The following CACNA1D variants were observed in gnomAD, a reference collection of about 807,000 sequenced individuals.
The protein encoded by CACNA1D is voltage-dependent L-type calcium channel subunit alpha-1D.
CACNA1D carries 55 observed loss-of-function variants against 257.1 expected under a neutral mutation model. The observed-to-expected ratio is 0.21, with a 90% CI of 0.17 to 0.27. CACNA1D has a LOEUF of 0.27. CACNA1D is among the 10% of genes least tolerant of loss of function. CACNA1D has a pLI of 1.00. For synonymous variants in CACNA1D, 980 were observed against 1,014.9 expected (o/e 0.97, Z 0.65); for missense variants, 1,876 against 2,784.0 (o/e 0.67, Z 7.34).
chr3:53,786,463 G>A (rs531125436), intron 39 of CACNA1D: 87 of 299,402 alleles, frequency 2.9e-4, no homozygotes, highest in African/African-American at 1.4e-3. Context: ...GGGGTGAAAT[G>A]TGGCCCGTGA....
chr3:53,575,249 A>G (rs2093016462), intron 3 of CACNA1D, among the ~76,000 whole-genome samples: 1 of 152,098 alleles, frequency 6.6e-6, no homozygotes, highest in African/African-American at 2.4e-5. Context: ...GGAAAAGAGA[A>G]CCTTGCTCTG....
At chr3:53,704,139 G>A (rs1267398091) in intron 9 of CACNA1D, among the ~76,000 whole-genome samples, 3 of 152,136 alleles carry the variant, frequency 2.0e-5, no homozygotes, top group African/African-American at 7.2e-5. Flanking sequence ...GGTGGGTGAG[G>A]TGCAATTGTG....
At chr3:53,550,489 G>A (rs1221045345) in intron 3 of CACNA1D, among the ~76,000 whole-genome samples, 5 of 152,186 alleles carry the variant, frequency 3.3e-5, no homozygotes, top group African/African-American at 1.2e-4. Flanking sequence ...GTGTAAGTGG[G>A]TCAGGCACCA....
Position 53,731,138 on chromosome 3 carries a change from G to A in CACNA1D, c.2398G>A (p.Asp800Asn), listed in dbSNP as rs537189630. 2.5e-6 allele frequency: 4 copies of A among 1,605,798 alleles called. No individual in the cohort carries two copies. In the East Asian group the frequency reaches 6.7e-5, roughly 27 times the overall value. ...AGAAGTCAACCAGATAGCCAACAGT[G>A]ACAACAAGGTATGTATTCTAAGATG... ...KPEVNQIANS[D>N]NKVTIDDYRE... The change falls in exon 17 of 48, where the codon GAC becomes AAC. Residue 800 changes from aspartate (D) to asparagine (N), a missense_variant. Physicochemically the swap from Asp to Asn is conservative, Grantham distance 23 (BLOSUM62 1). Transcript: ENST00000350061.
intron 3 of CACNA1D, among the ~76,000 whole-genome samples, chr3:53,518,937 C>T (rs541288904): frequency 2.0e-5 from 3 of 152,348 alleles, no homozygotes; most frequent in East Asian, 1.9e-4. Context: ...TTCGCAGTCA[C>T]GCTTCTCTAA....
chr3:53,670,558 G>A (rs2094312899), intron 7 of CACNA1D, among the ~76,000 whole-genome samples: 1 of 152,088 alleles, frequency 6.6e-6, no homozygotes, highest in Non-Finnish European at 1.5e-5. Context: ...TGGCCAGGCT[G>A]GTCTCGAACT....
At chr3:53,522,646 A>T (rs1367311321) in intron 3 of CACNA1D, among the ~76,000 whole-genome samples, 1 of 152,156 alleles carries the variant, frequency 6.6e-6, no homozygotes, top group Non-Finnish European at 1.5e-5. Context: ...TTTTATCGAA[A>T]ATTTTATTGA....
chr3:53,644,016 T>A (rs989207956), intron 3 of CACNA1D, among the ~76,000 whole-genome samples: 5 of 152,234 alleles, frequency 3.3e-5, no homozygotes, highest in African/African-American at 1.2e-4. Context: ...GGAAGGGACA[T>A]TTAATAATAG....
At chr3:53,692,909 T>C (rs2094540957) in intron 8 of CACNA1D, among the ~76,000 whole-genome samples, 1 of 151,972 alleles carries the variant, frequency 6.6e-6, no homozygotes. Flanking sequence ...TATTAAAAAA[T>C]TAGCTGGACA....
intron 3 of CACNA1D, among the ~76,000 whole-genome samples, chr3:53,590,623 C>T (rs553331836): frequency 2.6e-5 from 4 of 152,208 alleles, no homozygotes; most frequent in African/African-American, 7.2e-5. Flanking sequence ...CATCACAGTT[C>T]TAATTCCTGT....
chr3:53,682,365 TAAAAAAAAAA>T (rs3082718), intron 8 of CACNA1D, among the ~76,000 whole-genome samples: 900 of 47,372 alleles, frequency 0.019, 25 homozygotes, highest in African/African-American at 0.067. Context: ...TTGTCTCTGG[TAAAAAAAAAA>T]AAAAAAAAAA....
At chr3:53,507,072 C>CAAAAAAAAAAAAA (rs781421977) in intron 3 of CACNA1D, among the ~76,000 whole-genome samples, 13 of 56,666 alleles carry the variant, frequency 2.3e-4, no homozygotes, top group Non-Finnish European at 3.0e-4. Context: ...GACTCTATCT[C>CAAAAAAAAAAAAA]AAAAAAAAAA....
chr3:53,678,372 T>C (rs901469961), intron 8 of CACNA1D, among the ~76,000 whole-genome samples: 1 of 152,222 alleles, frequency 6.6e-6, no homozygotes. Context: ...TAAAATTGAA[T>C]GTAAACCCAG....
At chr3:53,501,957 A>G (rs557216969) in intron 3 of CACNA1D, among the ~76,000 whole-genome samples, 1 of 152,212 alleles carries the variant, frequency 6.6e-6, no homozygotes, top group South Asian at 2.1e-4. Flanking sequence ...TGGAATTTTT[A>G]TGGAAGAGAT....
intron 2 of CACNA1D, among the ~76,000 whole-genome samples, chr3:53,501,342 ATATGCAG>A (rs1575682538): frequency 6.6e-6 from 1 of 152,332 alleles, no homozygotes; most frequent in Non-Finnish European, 1.5e-5. Flanking sequence ...TTAGGTTTTA[ATATGCAG>A]TGTGCAGCCG....
At position 53,497,454 on chromosome 3, in the gene CACNA1D, G is replaced by C. The variant is rs1186437954; in HGVS notation, c.370G>C (p.Glu124Gln). The C allele has an allele frequency of 6.2e-7, 1 of 1,613,996 alleles. No individual in the cohort carries two copies. The highest frequency in any genetic ancestry group is 8.5e-7 in the Non-Finnish European group (1 of 1,179,908). The change falls in exon 2 of 48, where the codon GAA becomes CAA. Residue 124 changes from glutamate to glutamine, a missense_variant. Physicochemically the swap from Glu to Gln is conservative, Grantham distance 29. Transcript: ENST00000350061. ...PIRRACISIV[E>Q]WKPFDIFILL... is the part of the protein sequence containing the mutation. ...CCGAAGAGCCTGCATTAGTATAGTG[G>C]AATGGAAGTATCCTTTTTTTGGGGG... is the stretch of plus-strand genomic sequence containing the variant.
chr3:53,501,657 T>G lies in CACNA1D; in HGVS notation c.420T>G (p.Cys140Trp). 6.2e-7 allele frequency: 1 copy of G among 1,604,390 alleles called. No individual in the cohort carries two copies. The highest frequency in any genetic ancestry group is 8.5e-7 in the Non-Finnish European group (1 of 1,171,484). Residue 140 changes from cysteine (C) to tryptophan (W), a missense_variant, in exon 3 of 48, where the codon TGT becomes TGG. Physicochemically the swap from Cys to Trp is radical, Grantham distance 215. Transcript: ENST00000350061. Reference sequence around the variant, plus strand: ...TATTATTGGCTATTTTTGCCAATTGTGTGGCCTTAGCTATTTACATCCCAT... The same window carrying G: ...TATTATTGGCTATTTTTGCCAATTGGGTGGCCTTAGCTATTTACATCCCAT... ...IFILLAIFAN[C>W]VALAIYIPFP...
At chr3:53,698,156 T>G (rs1181345630) in intron 8 of CACNA1D, among the ~76,000 whole-genome samples, 1 of 152,244 alleles carries the variant, frequency 6.6e-6, no homozygotes, top group African/African-American at 2.4e-5. Flanking sequence ...AATCAGACTT[T>G]AAAATAAACA....
intron 3 of CACNA1D, among the ~76,000 whole-genome samples, chr3:53,504,463 T>TG (rs1255609338): frequency 2.0e-5 from 3 of 152,186 alleles, no homozygotes; most frequent in African/African-American, 4.8e-5. Flanking sequence ...GAGACTACCT[T>TG]GGGGGGCAGA....
Sources: allele counts gnomAD v4.1 joint callset (sites outside exome capture counted in the v4.1 genomes callset), GRCh38; gene constraint gnomAD v4.1.1; transcripts MANE v1.5; gene names NCBI Gene and HGNC (gene_info 2026-07-23, HGNC 2026-07-21).